The following DAPK2 variants were observed in gnomAD, a reference collection of about 807,000 sequenced individuals.
DAPK2 encodes the protein death-associated protein kinase 2.
Under a neutral mutation model 44.1 loss-of-function variants are expected in DAPK2, and 35 were observed. That is an observed-to-expected ratio of 0.79 (90% CI 0.61 to 1.05). The LOEUF (loss-of-function observed/expected upper bound fraction) is 1.05. DAPK2 is among the 50% of genes least tolerant of loss of function. The pLI is 0.00. For synonymous variants in DAPK2, 174 were observed against 182.6 expected (o/e 0.95, Z 0.38); for missense variants, 453 against 483.2 (o/e 0.94, Z 0.59).
intron 2 of DAPK2, among the ~76,000 whole-genome samples, chr15:63,973,372 C>T (rs1318329155): frequency 6.6e-6 from 1 of 152,224 alleles, no homozygotes; most frequent in South Asian, 2.1e-4. Flanking sequence ...AGGGGCAAGA[C>T]CTCCATTCCA....
intron 3 of DAPK2, among the ~76,000 whole-genome samples, chr15:63,957,395 T>A (rs1430473074): frequency 1.3e-5 from 2 of 152,114 alleles, no homozygotes; most frequent in Non-Finnish European, 2.9e-5. Context: ...CTAGGGTACA[T>A]GGGCACAACG....
chr15:64,035,922 A>G (rs989426583), intron 1 of DAPK2, among the ~76,000 whole-genome samples: 1 of 152,186 alleles, frequency 6.6e-6, no homozygotes, highest in Admixed American at 6.5e-5. Flanking sequence ...AGCTTTTCCT[A>G]CAGAGATGCT....
At chr15:64,045,482 G>A (rs1181886651) in intron 1 of DAPK2, among the ~76,000 whole-genome samples, 2 of 152,310 alleles carry the variant, frequency 1.3e-5, no homozygotes, top group African/African-American at 2.4e-5. Flanking sequence ...CAAGATGTCA[G>A]GCGCTGTCCC....
chr15:63,937,116 C>T (rs1255636554), intron 4 of DAPK2, among the ~76,000 whole-genome samples: 2 of 151,844 alleles, frequency 1.3e-5, no homozygotes, highest in African/African-American at 4.8e-5. Context: ...ATGGTGGGAG[C>T]AGGGGAAAAT....
intron 7 of DAPK2, 33 bp from the exon 9 acceptor site, chr15:63,924,894 A>T (rs781032805): frequency 6.2e-7 from 1 of 1,613,000 alleles, no homozygotes; most frequent in Non-Finnish European, 8.5e-7. Flanking sequence ...GTGATGATCC[A>T]TGAGGACAGA....
At chr15:63,922,222 G>C in intron 8 of DAPK2, 1 of 933,472 alleles carries the variant, frequency 1.1e-6, no homozygotes, top group Non-Finnish European at 1.3e-6. Context: ...TGTCAGACAT[G>C]AGTGCTTGGT....
chr15:63,976,845 CCTATTT>C (rs1240670803), intron 2 of DAPK2, among the ~76,000 whole-genome samples: 1 of 152,134 alleles, frequency 6.6e-6, no homozygotes, highest in Non-Finnish European at 1.5e-5. Context: ...AATCAATTCA[CCTATTT>C]CTTTTTGTTT....
chr15:63,991,403 A>C, intron 1 of DAPK2: 1 of 451,374 alleles, frequency 2.2e-6, no homozygotes. Context: ...TCTCCCAGCT[A>C]ATGACCCAGG....
At chr15:64,026,737 C>G (rs537427005) in intron 1 of DAPK2, among the ~76,000 whole-genome samples, 2 of 152,166 alleles carry the variant, frequency 1.3e-5, no homozygotes, top group African/African-American at 2.4e-5. Flanking sequence ...GACCCCTTGG[C>G]AGGAGTTCCA....
chr15:63,945,174 C>T (rs1387868320), intron 3 of DAPK2, among the ~76,000 whole-genome samples: 2 of 152,140 alleles, frequency 1.3e-5, no homozygotes, highest in East Asian at 3.9e-4. Context: ...CAGCTAACTC[C>T]CTTACTTCTC....
chr15:63,926,079 G>T, exon 7 of DAPK2: 1 of 1,610,638 alleles, frequency 6.2e-7, no homozygotes, highest in Admixed American at 1.7e-5. Context: ...CAGGAAAGGG[G>T]ATGCTCCACT....
chr15:64,006,541 C>A lies in DAPK2; in HGVS notation c.93-22787G>T, dbSNP rs577949617. 2.0e-5 allele frequency among the ~76,000 whole-genome samples: 3 copies of A among 152,250 alleles called. No homozygotes were observed. In the South Asian group the frequency reaches 6.2e-4, roughly 32 times the overall value. On this transcript the variant is annotated intron_variant, in intron 1 of 10. Transcript: ENST00000261891. ...CCATTCCCACTTCACCAAAGCAGGG[C>A]AGAAACAACCAAGAAAGACGTCAGA...
intron 3 of DAPK2, among the ~76,000 whole-genome samples, chr15:63,952,871 G>A (rs1483186713): frequency 1.3e-5 from 2 of 151,802 alleles, no homozygotes; most frequent in Admixed American, 1.3e-4. Context: ...ACTCTATTGT[G>A]CTATCAAATA....
In DAPK2 at chr15:63,923,500, G is replaced by A. The variant is rs60422252; in HGVS notation, c.858+1316C>T. ...CAGGGTGGGATGAGCACCTCCTTAGGCCATAAGTGAGGTCAAGGAGTGTGG... is the reference window on the plus strand; with the variant it reads ...CAGGGTGGGATGAGCACCTCCTTAGACCATAAGTGAGGTCAAGGAGTGTGG... On this transcript the variant is annotated intron_variant, in intron 8 of 10. Coordinates refer to ENST00000261891, the Ensembl canonical transcript of DAPK2. This position sits in a 1 kb window ranked among gnomAD's most constrained non-coding sequence, Gnocchi z 4.2. Among the ~76,000 whole-genome samples, 17,814 of 152,212 alleles carry A rather than the reference G, an allele frequency of 0.12. 1,205 individuals carry two copies. Among genetic ancestry groups the A allele is most frequent in the African/African-American group, 0.19 (8,062 of 41,518 alleles).
chr15:63,967,451 C>A (rs542785874), intron 3 of DAPK2, among the ~76,000 whole-genome samples: 2 of 152,192 alleles, frequency 1.3e-5, no homozygotes, highest in African/African-American at 4.8e-5. Context: ...TTTGGGAGAC[C>A]AAGGTGGGTG....
Position 63,923,341 on chromosome 15 carries a change from T to A in DAPK2, c.858+1475A>T, listed in dbSNP as rs1254285753. 2 of 1,534,308 alleles carry A rather than the reference T, an allele frequency of 1.3e-6. No individual in the cohort carries two copies. The highest frequency in any genetic ancestry group is 3.9e-5 in the Admixed American group (2 of 50,948). On this transcript the variant is annotated intron_variant, in intron 8 of 10. Transcript: ENST00000261891. This position sits in a 1 kb window ranked among gnomAD's most constrained non-coding sequence, Gnocchi z 4.2. The stretch of plus-strand genomic sequence containing the variant: ...GTTCAGGGGCTCTGCCTTCTCCTTT[T>A]GACTGGTGGGTGTTCAGACAGAAGA...
At chr15:63,983,880 A>G (rs2078600283) in intron 1 of DAPK2, 126 bp from the exon 3 acceptor site, 2 of 900,058 alleles carry the variant, frequency 2.2e-6, no homozygotes, top group East Asian at 2.7e-5. Flanking sequence ...TCATGCCACC[A>G]GTCTGCATCC....
chr15:63,985,996 T>C (rs938360365), intron 1 of DAPK2, among the ~76,000 whole-genome samples: 2 of 151,976 alleles, frequency 1.3e-5, no homozygotes, highest in Admixed American at 1.3e-4. Flanking sequence ...ATTTTGAGAG[T>C]GGGTGACTAC....
At chr15:64,021,345 A>G (rs1449913033) in intron 1 of DAPK2, among the ~76,000 whole-genome samples, 1 of 152,198 alleles carries the variant, frequency 6.6e-6, no homozygotes, top group Non-Finnish European at 1.5e-5. Flanking sequence ...AGCTCTGCAC[A>G]CTTGGTCTGT....
Sources: gnomAD v4.1 joint callset for allele counts (sites outside exome capture counted in the v4.1 genomes callset) on GRCh38, gnomAD v4.1.1 for gene constraint, Gnocchi (gnomAD v3.1) non-coding constraint, MANE v1.5 for transcripts, NCBI Gene and HGNC (gene_info 2026-07-23, HGNC 2026-07-21) for gene names.